The following FBXO16 variants were observed in gnomAD, a reference collection of about 807,000 sequenced individuals.
FBXO16 encodes F-box protein 16.
In FBXO16, 31 loss-of-function variants were observed where a neutral mutation model predicts 41.0. That is an observed-to-expected ratio of 0.76 (90% confidence interval 0.57 to 1.02). The LOEUF (loss-of-function observed/expected upper bound fraction) is 1.02. FBXO16 is among the 50% of genes least tolerant of loss of function. FBXO16 has a pLI of 0.00. For synonymous variants in FBXO16, 133 were observed against 117.8 expected, an observed-to-expected ratio of 1.13 and a Z score of -0.84; for missense variants, 361 against 346.2, an observed-to-expected ratio of 1.04 and a Z score of -0.34.
intron 5 of FBXO16, among the ~76,000 whole-genome samples, chr8:28,454,889 A>C (rs1803014907): frequency 1.3e-5 from 2 of 151,038 alleles, no homozygotes; most frequent in African/African-American, 4.9e-5. Context: ...AATTTTCCTA[A>C]TCATGAATAG....
intron 4 of FBXO16, among the ~76,000 whole-genome samples, chr8:28,462,302 G>C (rs1330797605): frequency 6.9e-6 from 1 of 144,474 alleles, no homozygotes; most frequent in Non-Finnish European, 1.5e-5. Flanking sequence ...TTTCTGAGAC[G>C]GCGTCTCGCT....
chr8:28,445,196 G>C (rs1060412), intron 7 of FBXO16, among the ~76,000 whole-genome samples: 45,482 of 152,026 alleles, frequency 0.3, 7,666 homozygotes, highest in East Asian at 0.59. Context: ...AGAATAGACA[G>C]ATACAATCAT....
intron 2 of FBXO16, among the ~76,000 whole-genome samples, 156 bp from the exon 3 acceptor site, chr8:28,473,963 C>T (rs1370748555): frequency 1.3e-5 from 2 of 151,730 alleles, no homozygotes; most frequent in Admixed American, 6.6e-5. Flanking sequence ...ATATTTTTAC[C>T]CTGGGCAAGG....
intron 2 of FBXO16, among the ~76,000 whole-genome samples, chr8:28,477,950 C>A (rs575717837): frequency 6.6e-6 from 1 of 152,182 alleles, no homozygotes; most frequent in African/African-American, 2.4e-5. Context: ...GAGGTGGAGG[C>A]TGCAGTGAGC....
At chr8:28,466,577 G>T (rs142902755) in intron 3 of FBXO16, among the ~76,000 whole-genome samples, 1,869 of 151,114 alleles carry the variant, frequency 0.012, 43 homozygotes, top group African/African-American at 0.043. Context: ...GGATCACGAA[G>T]TCAGGAGATC....
At chr8:28,471,209 T>C (rs56859979) in intron 3 of FBXO16, among the ~76,000 whole-genome samples, 1 of 152,178 alleles carries the variant, frequency 6.6e-6, no homozygotes, top group Non-Finnish European at 1.5e-5. Flanking sequence ...TAGACAGGTA[T>C]GGCCAAATAT....
intron 4 of FBXO16, among the ~76,000 whole-genome samples, chr8:28,458,912 C>T (rs1803081162): frequency 6.6e-6 from 1 of 152,200 alleles, no homozygotes; most frequent in Non-Finnish European, 1.5e-5. Flanking sequence ...ATTTACAAGA[C>T]ACAATTCCTC....
intron 7 of FBXO16, among the ~76,000 whole-genome samples, chr8:28,442,681 G>C (rs767377412): frequency 6.6e-6 from 1 of 152,118 alleles, no homozygotes; most frequent in Admixed American, 6.6e-5. Flanking sequence ...ACCTCGCCCA[G>C]CCCATCTTTC....
chr8:28,487,327 G>T (rs2130214104), intron 1 of FBXO16, among the ~76,000 whole-genome samples: 1 of 151,658 alleles, frequency 6.6e-6, no homozygotes, highest in Middle Eastern at 3.4e-3. Context: ...AAGACAGGCA[G>T]CGTGTATATT....
At chr8:28,457,413 A>T (rs1415987593) in intron 4 of FBXO16, among the ~76,000 whole-genome samples, 2 of 152,286 alleles carry the variant, frequency 1.3e-5, no homozygotes, top group East Asian at 3.9e-4. Flanking sequence ...GCTGATAAAG[A>T]CATACCTGAG....
At chr8:28,460,515 C>A (rs1389665750) in intron 4 of FBXO16, among the ~76,000 whole-genome samples, 1 of 147,902 alleles carries the variant, frequency 6.8e-6, no homozygotes, top group East Asian at 2.0e-4. Flanking sequence ...CCTCCAACTC[C>A]CAGATTCAAG....
Position 28,477,706 on chromosome 8 carries a change from A to G in FBXO16, c.100-3899T>C, listed in dbSNP as rs548893994. Among the ~76,000 whole-genome samples the G allele has an allele frequency of 1.1e-4, 17 of 152,328 alleles. 1 individual carries two copies. The South Asian group carries it at 3.5e-3, about 32-fold the overall frequency. On this transcript the variant is annotated intron_variant, in intron 2 of 8. Coordinates refer to ENST00000380254, the MANE Select transcript of FBXO16 (RefSeq NM_172366.4). ...CACCCTCCTCTGTCCACCAACACCC[A>G]TATAACTCTTTGGGAAAAACCAGTA...
chr8:28,443,676 A>T (rs1201857220), intron 7 of FBXO16, among the ~76,000 whole-genome samples: 1 of 152,192 alleles, frequency 6.6e-6, no homozygotes, highest in Non-Finnish European at 1.5e-5. Context: ...TCACTCCCAG[A>T]CGGTTAAGGC....
intron 2 of FBXO16, 32 bp downstream of exon 2, chr8:28,483,316 A>T: frequency 6.5e-7 from 1 of 1,550,306 alleles, no homozygotes; most frequent in Non-Finnish European, 8.8e-7. Flanking sequence ...TCAGTCATGG[A>T]TTCAATTGTT....
At chr8:28,446,592 C>G (rs1802867676) in intron 7 of FBXO16, among the ~76,000 whole-genome samples, 7 of 151,948 alleles carry the variant, frequency 4.6e-5, no homozygotes, top group Admixed American at 4.6e-4. Flanking sequence ...CTCCCCTTGG[C>G]CAGGCGCGGT....
At chr8:28,429,582 A>C (rs539688919) in intron 7 of FBXO16, among the ~76,000 whole-genome samples, 179 bp from the exon 8 acceptor site, 4 of 149,462 alleles carry the variant, frequency 2.7e-5, no homozygotes, top group Middle Eastern at 3.4e-3. Context: ...GCCTCCCCCA[A>C]GCACAATGCC....
intron 7 of FBXO16, among the ~76,000 whole-genome samples, chr8:28,442,621 T>C (rs890601923): frequency 2.0e-5 from 3 of 152,086 alleles, no homozygotes; most frequent in Admixed American, 6.6e-5. Flanking sequence ...TGACCTCAGG[T>C]GATCCGCCTG....
chr8:28,439,283 T>C (rs1351523588), intron 7 of FBXO16, among the ~76,000 whole-genome samples: 1 of 152,140 alleles, frequency 6.6e-6, no homozygotes, highest in Admixed American at 6.6e-5. Context: ...TATTGTTTAG[T>C]ACAAGAGCCC....
At chr8:28,489,413 G>A (rs995864027) in intron 1 of FBXO16, among the ~76,000 whole-genome samples, 4 of 151,126 alleles carry the variant, frequency 2.6e-5, no homozygotes, top group East Asian at 1.9e-4. Context: ...GGTGGCTCAC[G>A]CCTATAATCC....
Sources: gnomAD v4.1 joint callset for allele counts (sites outside exome capture counted in the v4.1 genomes callset) on GRCh38, gnomAD v4.1.1 for gene constraint, MANE v1.5 for transcripts, NCBI Gene and HGNC (gene_info 2026-07-23, HGNC 2026-07-21) for gene names.